The following RNF180 variants were observed in gnomAD, a reference collection of about 807,000 sequenced individuals.
RNF180 encodes the protein ring finger protein 180, also known as E3 ubiquitin-protein ligase RNF180.
A neutral mutation model predicts 59.2 loss-of-function variants in RNF180; 38 were observed. That is an observed-to-expected ratio of 0.64 (90% CI 0.50 to 0.84). The LOEUF (loss-of-function observed/expected upper bound fraction) is 0.84. Among genes scored for constraint, RNF180 ranks in the 40% least tolerant of loss-of-function variants. RNF180 has a pLI of 0.00. For synonymous variants in RNF180, 262 were observed against 240.3 expected, an observed-to-expected ratio of 1.09 and a Z score of -0.84; for missense variants, 705 against 700.9, an observed-to-expected ratio of 1.01 and a Z score of -0.07.
In RNF180 at chr5:64,228,350, A is replaced by C. The variant is rs140366640; in HGVS notation, c.1227+10954A>C. On this transcript the variant is annotated intron_variant, in intron 5 of 7. Coordinates refer to ENST00000389100, the MANE Select transcript of RNF180 (RefSeq NM_001113561.2). ...GCAACATAGTGAGACCCCCATCTCT[A>C]CAAAAAATGTATACTTAGCTGGGCA... Among the ~76,000 whole-genome samples the C allele has an allele frequency of 8.7e-3, 1,328 of 152,134 alleles. 12 individuals are homozygous for C. The highest frequency in any genetic ancestry group is 0.014 in the Non-Finnish European group (929 of 67,984).
chr5:64,366,592 T>G (rs1453940892), intron 7 of RNF180, among the ~76,000 whole-genome samples: 1 of 151,478 alleles, frequency 6.6e-6, no homozygotes, highest in East Asian at 2.0e-4. Context: ...ACAAAATATA[T>G]TTAAGCACTT....
intron 2 of RNF180, among the ~76,000 whole-genome samples, chr5:64,211,581 G>C (rs1481793529): frequency 6.6e-6 from 1 of 152,102 alleles, no homozygotes; most frequent in African/African-American, 2.4e-5. Context: ...ATGCCAAGGA[G>C]GCCTGTTTTG....
intron 7 of RNF180, among the ~76,000 whole-genome samples, chr5:64,335,699 T>TC (rs1380597331): frequency 1.3e-5 from 2 of 152,212 alleles, no homozygotes; most frequent in South Asian, 2.1e-4. Flanking sequence ...AGTTTTGATA[T>TC]CCCCCCTTCC....
intron 5 of RNF180, among the ~76,000 whole-genome samples, chr5:64,274,213 C>G (rs563967966): frequency 6.6e-6 from 1 of 151,972 alleles, no homozygotes; most frequent in South Asian, 2.1e-4. Context: ...CTAATTTTGT[C>G]TTCTTTAACC....
Position 64,213,842 on chromosome 5 carries a change from T to G in RNF180, c.516T>G (p.Asn172Lys). The change falls in exon 4 of 8, where the codon AAT becomes AAG. Residue 172 changes from asparagine (N) to lysine (K), a missense_variant. By Grantham distance (94) the Asn-to-Lys change is moderately conservative. Coordinates refer to ENST00000389100, the MANE Select transcript of RNF180 (RefSeq NM_001113561.2). ...NHRLLNMARN[N>K]NDPGRLTEAL... The stretch of plus-strand genomic sequence containing the variant: ...GGCTTTTAAACATGGCCCGAAATAA[T>G]AATGACCCTGGAAGATTAACAGAAG... 6 of 1,614,096 alleles carry G rather than the reference T, an allele frequency of 3.7e-6. No individual in the cohort carries two copies. Among genetic ancestry groups the G allele is most frequent in the Non-Finnish European group, 4.2e-6 (5 of 1,180,008 alleles).
At chr5:64,264,251 A>G (rs1163235934) in intron 5 of RNF180, among the ~76,000 whole-genome samples, 1 of 152,148 alleles carries the variant, frequency 6.6e-6, no homozygotes, top group Admixed American at 6.6e-5. Flanking sequence ...TCTGGGATAC[A>G]TGCGCAGAAT....
chr5:64,285,252 C>G (rs553762228), intron 5 of RNF180, among the ~76,000 whole-genome samples: 2 of 152,274 alleles, frequency 1.3e-5, no homozygotes, highest in South Asian at 4.1e-4. Context: ...GGGTGCTGGC[C>G]ACAGTGCTTC....
At chr5:64,177,458 A>C (rs902256072) in intron 1 of RNF180, among the ~76,000 whole-genome samples, 1 of 142,682 alleles carries the variant, frequency 7.0e-6, no homozygotes, top group Non-Finnish European at 1.5e-5. Flanking sequence ...TGTGTTCTCA[A>C]TTATTTTACT....
chr5:64,236,738 G>C (rs574648109), intron 5 of RNF180, among the ~76,000 whole-genome samples: 1 of 152,112 alleles, frequency 6.6e-6, no homozygotes, highest in South Asian at 2.1e-4. Context: ...TGCTCTGTGC[G>C]GCTTCAGGCC....
intron 5 of RNF180, among the ~76,000 whole-genome samples, chr5:64,246,386 A>G (rs1743164014): frequency 6.6e-6 from 1 of 152,172 alleles, no homozygotes; most frequent in Non-Finnish European, 1.5e-5. Context: ...AGAAGAAAAG[A>G]CAGAAAAATA....
In RNF180 at chr5:64,339,374, A is replaced by G. The variant is rs372106065; in HGVS notation, c.1579+8968A>G. 6.6e-5 allele frequency among the ~76,000 whole-genome samples: 10 copies of G among 152,056 alleles called. No individual in the cohort carries two copies. The East Asian group carries it at 1.4e-3, about 21-fold the overall frequency. ...TTAAGGCTATAAATTTCCCTTCATC[A>G]CTTGTAGTATTTTTTATTCTTCATT... is the stretch of plus-strand genomic sequence containing the variant. On this transcript the variant is annotated intron_variant, in intron 7 of 7. Transcript: ENST00000389100.
chr5:64,244,313 C>G (rs922911341), intron 5 of RNF180, among the ~76,000 whole-genome samples: 6 of 151,838 alleles, frequency 4.0e-5, no homozygotes, highest in African/African-American at 1.5e-4. Context: ...GGAGCATATT[C>G]TAACCCAACG....
intron 5 of RNF180, among the ~76,000 whole-genome samples, chr5:64,320,250 A>T (rs6449711): frequency 0.45 from 68,328 of 151,988 alleles, 16,703 homozygotes; most frequent in African/African-American, 0.65. Context: ...ATGTAAAGAA[A>T]AGCTAGCTTT....
chr5:64,356,059 C>A (rs1746008756), intron 7 of RNF180, among the ~76,000 whole-genome samples: 1 of 151,386 alleles, frequency 6.6e-6, no homozygotes, highest in Non-Finnish European at 1.5e-5. Context: ...AGTTCAAGAC[C>A]AACCTGGGCA....
intron 5 of RNF180, among the ~76,000 whole-genome samples, chr5:64,231,534 G>C (rs1742101990): frequency 6.6e-6 from 1 of 152,206 alleles, no homozygotes; most frequent in Non-Finnish European, 1.5e-5. Flanking sequence ...AGGAAGAGTT[G>C]TGCTCTCTTT....
intron 5 of RNF180, among the ~76,000 whole-genome samples, chr5:64,301,834 T>C (rs758161967): frequency 4.0e-5 from 6 of 151,594 alleles, no homozygotes; most frequent in Non-Finnish European, 7.4e-5. Flanking sequence ...ATCACTTCTA[T>C]GTACATTCCA....
intron 5 of RNF180, among the ~76,000 whole-genome samples, chr5:64,282,046 G>A (rs1382556508): frequency 1.3e-5 from 2 of 152,126 alleles, no homozygotes; most frequent in East Asian, 3.9e-4. Flanking sequence ...GTTCATCAAG[G>A]ATATTGCCCT....
chr5:64,262,654 C>G (rs966958252), intron 5 of RNF180, among the ~76,000 whole-genome samples: 1 of 152,152 alleles, frequency 6.6e-6, no homozygotes, highest in Non-Finnish European at 1.5e-5. Flanking sequence ...CACAGTGCCA[C>G]TGATGAATGA....
At chr5:64,348,409 T>C (rs957904466) in intron 7 of RNF180, among the ~76,000 whole-genome samples, 2 of 152,072 alleles carry the variant, frequency 1.3e-5, no homozygotes, top group African/African-American at 4.8e-5. Context: ...CTGCATTCCT[T>C]AGAGTCCTAA....
Sources: gnomAD v4.1 joint callset for allele counts (sites outside exome capture counted in the v4.1 genomes callset) on GRCh38, gnomAD v4.1.1 for gene constraint, MANE v1.5 for transcripts, NCBI Gene and HGNC (gene_info 2026-07-23, HGNC 2026-07-21) for gene names.